Variants in CTTNBP2 observed in about 807,000 individuals in gnomAD.
The protein encoded by CTTNBP2 is cortactin binding protein 2.
In CTTNBP2, 108 loss-of-function variants were observed where a neutral mutation model predicts 156.9. The ratio of observed to expected loss-of-function variants is 0.69; its 90% CI spans 0.59 to 0.81. CTTNBP2 has a LOEUF of 0.81. CTTNBP2 is among the 30% of genes least tolerant of loss of function. The probability of loss-of-function intolerance (pLI) is 0.00; values close to 1 mark genes in which losing one functional copy is unlikely to be tolerated. For missense variants in CTTNBP2, 1,924 were observed against 2,035.4 expected (o/e 0.95, Z 1.05); for synonymous variants, 767 against 751.8 (o/e 1.02, Z -0.33).
intron 3 of CTTNBP2, among the ~76,000 whole-genome samples, chr7:117,796,811 A>G (rs1799347122): frequency 2.0e-5 from 3 of 152,360 alleles, no homozygotes; most frequent in Non-Finnish European, 4.4e-5. Flanking sequence ...TGTTTTTATA[A>G]GTTAGATAGG....
intron 2 of CTTNBP2, among the ~76,000 whole-genome samples, chr7:117,813,500 C>T (rs1184643924): frequency 6.6e-6 from 1 of 152,180 alleles, no homozygotes; most frequent in Non-Finnish European, 1.5e-5. Flanking sequence ...CCCATGTTCT[C>T]TCCAGACTTC....
At chr7:117,756,734 GACTT>G in intron 11 of CTTNBP2, 100 bp from the exon 12 acceptor site, 2 of 845,480 alleles carry the variant, frequency 2.4e-6, no homozygotes, top group Non-Finnish European at 4.1e-6. Flanking sequence ...TGTGTTTGTT[GACTT>G]ATGTAGGCAG....
intron 8 of CTTNBP2, among the ~76,000 whole-genome samples, chr7:117,775,599 C>G (rs1220066801): frequency 4.1e-5 from 6 of 144,716 alleles, no homozygotes; most frequent in Non-Finnish European, 9.0e-5. Context: ...TTTTTTTTGC[C>G]TCTAGGCTGA....
intron 2 of CTTNBP2, among the ~76,000 whole-genome samples, chr7:117,822,375 A>G (rs1801018094): frequency 6.6e-6 from 1 of 151,622 alleles, no homozygotes; most frequent in African/African-American, 2.4e-5. Context: ...TTTGCATTTC[A>G]TTGACTGCTT....
intron 2 of CTTNBP2, among the ~76,000 whole-genome samples, chr7:117,853,831 C>T (rs1584555346): frequency 6.6e-6 from 1 of 152,150 alleles, no homozygotes; most frequent in East Asian, 1.9e-4. Flanking sequence ...TATGCAGTTA[C>T]TTCATTTGCT....
intron 3 of CTTNBP2, among the ~76,000 whole-genome samples, chr7:117,793,768 T>C (rs1352673407): frequency 3.3e-5 from 5 of 152,218 alleles, no homozygotes; most frequent in Non-Finnish European, 7.3e-5. Flanking sequence ...TGAAATCATT[T>C]TTCTAACTGA....
chr7:117,760,854 C>A (rs547674417), intron 9 of CTTNBP2, 144 bp from the exon 10 acceptor site: 1 of 624,966 alleles, frequency 1.6e-6, no homozygotes, highest in East Asian at 2.8e-5. Context: ...TTACATTGAA[C>A]GTTCTTACAC....
intron 1 of CTTNBP2, among the ~76,000 whole-genome samples, chr7:117,865,343 T>TG (rs1804099552): frequency 6.6e-6 from 1 of 151,634 alleles, no homozygotes; most frequent in African/African-American, 2.4e-5. Context: ...TTTTTAGTGA[T>TG]GAAAAGAAAC....
Position 117,777,620 on chromosome 7 carries a change from TCTC to T in CTTNBP2, c.2666_2668del (p.Gly889del), listed in dbSNP as rs746805051. 23 of 1,613,846 alleles carry T rather than the reference TCTC, an allele frequency of 1.4e-5. No individual in the cohort carries two copies. Among genetic ancestry groups the T allele is most frequent in the Admixed American group, 1.3e-4 (8 of 59,984 alleles). ...CTTGGATATGCCTTCAGGACTCTCT[TCTC>T]CTCCATCCAAGTCAAAGACACTTGA... On this transcript the variant is annotated inframe_deletion, in exon 8 of 23. Coordinates refer to ENST00000160373, the MANE Select transcript of CTTNBP2 (RefSeq NM_033427.3).
intron 2 of CTTNBP2, among the ~76,000 whole-genome samples, chr7:117,843,911 C>T (rs956232382): frequency 2.4e-4 from 36 of 152,066 alleles, no homozygotes; most frequent in African/African-American, 8.0e-4. Flanking sequence ...AGGGATGTTG[C>T]GATGTGATTA....
intron 3 of CTTNBP2, among the ~76,000 whole-genome samples, chr7:117,795,378 A>C (rs1223385975): frequency 6.6e-6 from 1 of 152,220 alleles, no homozygotes; most frequent in Non-Finnish European, 1.5e-5. Flanking sequence ...CAACAAAAAA[A>C]AATTCTTACA....
At chr7:117,866,578 G>T (rs1319454282) in intron 1 of CTTNBP2, among the ~76,000 whole-genome samples, 3 of 152,182 alleles carry the variant, frequency 2.0e-5, no homozygotes, top group Non-Finnish European at 4.4e-5. Flanking sequence ...AGGCAGACTG[G>T]AAGGTGGGGT....
intron 22 of CTTNBP2, among the ~76,000 whole-genome samples, chr7:117,717,301 C>A (rs901187658): frequency 2.0e-5 from 3 of 151,730 alleles, no homozygotes; most frequent in Non-Finnish European, 4.4e-5. Flanking sequence ...TATGGAAAGT[C>A]AGGATGAAAT....
At chr7:117,724,836 T>C (rs1795000586) in intron 18 of CTTNBP2, 104 bp from the exon 19 acceptor site, 2 of 1,351,526 alleles carry the variant, frequency 1.5e-6, no homozygotes, top group East Asian at 2.4e-5. Flanking sequence ...AATGCATTTA[T>C]TTAGTATCCA....
At chr7:117,727,967 TG>T in intron 17 of CTTNBP2, 121 bp downstream of exon 17, 1 of 838,566 alleles carries the variant, frequency 1.2e-6, no homozygotes, top group Non-Finnish European at 1.9e-6. Flanking sequence ...CAGAGAGCAC[TG>T]GCACTCCGTG....
chr7:117,837,831 C>T (rs184834941), intron 2 of CTTNBP2, among the ~76,000 whole-genome samples: 2 of 152,246 alleles, frequency 1.3e-5, no homozygotes, highest in East Asian at 3.9e-4. Context: ...GGATGCTCGA[C>T]TCATACCTGT....
chr7:117,861,258 A>G lies in CTTNBP2; in HGVS notation c.140T>C (p.Val47Ala), dbSNP rs769565707. ...TCTGGCCTCCAGCTCCCCTTCCATC[A>G]CGCTGAGGAGCATCCGCAGCTCGGA... ...SKSELRMLLS[V>A]MEGELEARDL... Residue 47 changes from valine to alanine, a missense_variant, in exon 2 of 23, where the codon GTG becomes GCG. Val to Ala is a moderately conservative substitution (Grantham distance 64). Transcript: ENST00000160373. The G allele has an allele frequency of 6.2e-7, 1 of 1,613,860 alleles. No homozygotes were observed. The highest frequency in any genetic ancestry group is 1.1e-5 in the South Asian group (1 of 90,958).
At chr7:117,740,180 T>C (rs892687173) in intron 14 of CTTNBP2, among the ~76,000 whole-genome samples, 3 of 152,052 alleles carry the variant, frequency 2.0e-5, no homozygotes, top group Admixed American at 2.0e-4. Context: ...AAGTAATTTA[T>C]GCTAGAATAA....
chr7:117,806,917 CCTGA>C (rs1011438209), intron 3 of CTTNBP2, among the ~76,000 whole-genome samples: 6 of 151,994 alleles, frequency 3.9e-5, no homozygotes, highest in Non-Finnish European at 4.4e-5. Context: ...TGCCACCACA[CCTGA>C]CTAAGTTTTG....
Sources: allele counts gnomAD v4.1 joint callset (sites outside exome capture counted in the v4.1 genomes callset), GRCh38; gene constraint gnomAD v4.1.1; transcripts MANE v1.5; gene names NCBI Gene and HGNC (gene_info 2026-07-23, HGNC 2026-07-21).